JAKMIP2: variants seen among roughly 807,000 people sequenced by gnomAD.
JAKMIP2 encodes janus kinase and microtubule interacting protein 2.
In JAKMIP2, 25 loss-of-function variants were observed where a neutral mutation model predicts 115.0. That is an observed-to-expected ratio of 0.22 (90% CI 0.16 to 0.30). The LOEUF is 0.30. Among genes scored for constraint, JAKMIP2 ranks in the 10% least tolerant of loss-of-function variants. The pLI, the probability that JAKMIP2 is intolerant of heterozygous loss-of-function variation, is 1.00. For missense variants in JAKMIP2, 642 were observed against 957.6 expected, an observed-to-expected ratio of 0.67 and a Z score of 4.35; for synonymous variants, 334 against 343.6, an observed-to-expected ratio of 0.97 and a Z score of 0.31.
intron 1 of JAKMIP2, among the ~76,000 whole-genome samples, chr5:147,679,061 A>G (rs2126827003): frequency 6.6e-6 from 1 of 152,080 alleles, no homozygotes; most frequent in East Asian, 1.9e-4. Context: ...GATCACTGCA[A>G]CCTCGGCCTC....
At chr5:147,715,972 C>A (rs561724041) in intron 1 of JAKMIP2, among the ~76,000 whole-genome samples, 1 of 137,678 alleles carries the variant, frequency 7.3e-6, no homozygotes, top group Non-Finnish European at 1.6e-5. Context: ...TTAGGTATAT[C>A]TCCCAATGCT....
chr5:147,738,725 G>A (rs931305859), intron 1 of JAKMIP2, among the ~76,000 whole-genome samples: 5 of 152,078 alleles, frequency 3.3e-5, no homozygotes, highest in Non-Finnish European at 7.4e-5. Flanking sequence ...ACAAAAAGGT[G>A]AAGTTTAGTC....
rs114924928 is a variant in JAKMIP2 at position 147,662,217 on chromosome 5, C to T, written c.130-772G>A. On this transcript the variant is annotated intron_variant, in intron 2 of 21. Coordinates refer to ENST00000616793, the MANE Select transcript of JAKMIP2 (RefSeq NM_001270941.2). ...AAAACCACCACCAACAACAAAACTG[C>T]AGATCATTGGGTCCTCTCTCTGATG... 4.2e-3 allele frequency among the ~76,000 whole-genome samples: 644 copies of T among 151,552 alleles called. 9 individuals carry two copies. The highest frequency in any genetic ancestry group is 0.012 in the African/African-American group (511 of 41,180).
intron 21 of JAKMIP2, among the ~76,000 whole-genome samples, chr5:147,593,946 C>T (rs1362652828): frequency 1.3e-5 from 2 of 152,156 alleles, no homozygotes; most frequent in Non-Finnish European, 2.9e-5. Flanking sequence ...CTTTTACTTG[C>T]AAACTTTCAA....
intron 1 of JAKMIP2, among the ~76,000 whole-genome samples, chr5:147,781,655 A>G (rs1199106561): frequency 6.6e-6 from 1 of 152,218 alleles, no homozygotes; most frequent in Non-Finnish European, 1.5e-5. Flanking sequence ...AAACTAAGGG[A>G]CAATAACCAG....
At chr5:147,679,141 C>T (rs925563550) in intron 1 of JAKMIP2, among the ~76,000 whole-genome samples, 7 of 151,886 alleles carry the variant, frequency 4.6e-5, no homozygotes, top group Non-Finnish European at 8.8e-5. Flanking sequence ...CCAACATGCC[C>T]GGCTAATTTT....
At chr5:147,644,009 T>C (rs1758001955) in intron 7 of JAKMIP2, 49 bp downstream of exon 7, 1 of 1,456,134 alleles carries the variant, frequency 6.9e-7, no homozygotes, top group Admixed American at 2.1e-5. Flanking sequence ...TTTTGTTGGC[T>C]ACTTGTCCTT....
At chr5:147,721,474 C>G in intron 1 of JAKMIP2, among the ~76,000 whole-genome samples, 1 of 152,176 alleles carries the variant, frequency 6.6e-6, no homozygotes, top group African/African-American at 2.4e-5. Flanking sequence ...AGTTTGATCT[C>G]AGACTGCTGT....
At chr5:147,769,185 C>T (rs1755258148) in intron 1 of JAKMIP2, among the ~76,000 whole-genome samples, 1 of 152,080 alleles carries the variant, frequency 6.6e-6, no homozygotes, top group Non-Finnish European at 1.5e-5. Flanking sequence ...CAGGGAGGTG[C>T]CACTCACACA....
chr5:147,689,643 G>A (rs1371630025), intron 1 of JAKMIP2, among the ~76,000 whole-genome samples: 2 of 152,152 alleles, frequency 1.3e-5, no homozygotes, highest in East Asian at 3.9e-4. Context: ...GTTACTGTTT[G>A]TTCCTAAAAT....
At chr5:147,737,407 C>A (rs902392821) in intron 1 of JAKMIP2, among the ~76,000 whole-genome samples, 6 of 152,120 alleles carry the variant, frequency 3.9e-5, no homozygotes, top group Non-Finnish European at 5.9e-5. Flanking sequence ...TTTTCCTCAA[C>A]CAAAATGGTG....
At chr5:147,687,897 T>A (rs1760649109) in intron 1 of JAKMIP2, among the ~76,000 whole-genome samples, 1 of 152,224 alleles carries the variant, frequency 6.6e-6, no homozygotes, top group African/African-American at 2.4e-5. Context: ...AAATGAAGAC[T>A]TTTAAATTTG....
chr5:147,592,805 G>C (rs1299563523), intron 21 of JAKMIP2, among the ~76,000 whole-genome samples: 1 of 152,194 alleles, frequency 6.6e-6, no homozygotes, highest in East Asian at 1.9e-4. Context: ...CTAAAGTGGA[G>C]GAAAAGGAGG....
At chr5:147,699,347 G>A (rs963752691) in intron 1 of JAKMIP2, among the ~76,000 whole-genome samples, 8 of 152,288 alleles carry the variant, frequency 5.3e-5, no homozygotes, top group African/African-American at 1.4e-4. Flanking sequence ...TCAGGCTCTA[G>A]CCTGGGTGGA....
chr5:147,665,734 G>C lies in JAKMIP2; in HGVS notation c.130-4289C>G, dbSNP rs987309666. 7.9e-5 allele frequency among the ~76,000 whole-genome samples: 12 copies of C among 152,136 alleles called. 1 individual carries two copies. The highest frequency in any genetic ancestry group is 2.4e-4 in the African/African-American group (10 of 41,426). ...TTAGGGTTAAACTAGATTGTGTACG[G>C]AAAAGTACCTTGAACTGTAAAGTAC... On this transcript the variant is annotated intron_variant, in intron 2 of 21. Coordinates refer to ENST00000616793, the MANE Select transcript of JAKMIP2 (RefSeq NM_001270941.2).
At chr5:147,709,572 C>G (rs1037271369) in intron 1 of JAKMIP2, among the ~76,000 whole-genome samples, 2 of 152,016 alleles carry the variant, frequency 1.3e-5, no homozygotes, top group African/African-American at 4.8e-5. Flanking sequence ...CATTCTAGGC[C>G]GGGTGGGGTG....
intron 1 of JAKMIP2, among the ~76,000 whole-genome samples, chr5:147,755,099 C>T (rs1158725792): frequency 6.6e-6 from 1 of 152,084 alleles, no homozygotes; most frequent in African/African-American, 2.4e-5. Context: ...ATCAGAATAA[C>T]AAGATCAAGA....
chr5:147,760,606 T>C (rs1274415247), intron 1 of JAKMIP2, among the ~76,000 whole-genome samples: 2 of 152,068 alleles, frequency 1.3e-5, no homozygotes, highest in Middle Eastern at 3.2e-3. Context: ...ATGATGACAA[T>C]GGAAGCCCAA....
At position 147,657,266 on chromosome 5, in the gene JAKMIP2, C is replaced by T. The variant is rs572894259; in HGVS notation, c.627+3682G>A. Among the ~76,000 whole-genome samples, 168 of 151,200 alleles carry T rather than the reference C, an allele frequency of 1.1e-3. 1 individual carries two copies. Among genetic ancestry groups the T allele is most frequent in the African/African-American group, 1.1e-3 (44 of 40,842 alleles). On this transcript the variant is annotated intron_variant, in intron 3 of 21. Coordinates refer to ENST00000616793, the MANE Select transcript of JAKMIP2 (RefSeq NM_001270941.2). ...CTGCACTCCAGCCTGGGTGACAGAG[C>T]GAGACTCCGTCTCAAACAAAACAAA...
Sources: allele counts gnomAD v4.1 joint callset (sites outside exome capture counted in the v4.1 genomes callset), GRCh38; gene constraint gnomAD v4.1.1; transcripts MANE v1.5; gene names NCBI Gene and HGNC (gene_info 2026-07-23, HGNC 2026-07-21).